USP6NL: variants seen among roughly 807,000 people sequenced by gnomAD.
USP6NL encodes USP6 N-terminal like.
USP6NL carries 26 observed loss-of-function variants against 61.9 expected under a neutral mutation model. The ratio of observed to expected loss-of-function variants is 0.42; its 90% confidence interval spans 0.31 to 0.58. The LOEUF is 0.58. Among genes scored for constraint, USP6NL ranks in the 20% least tolerant of loss-of-function variants. The pLI is 0.16. For missense variants in USP6NL, 1,114 were observed against 1,034.3 expected (o/e 1.08, Z -1.06); for synonymous variants, 432 against 390.1 (o/e 1.11, Z -1.27).
At chr10:11,472,659 C>CA (rs563616945) in intron 14 of USP6NL, among the ~76,000 whole-genome samples, 221 of 152,282 alleles carry the variant, frequency 1.5e-3, no homozygotes, top group African/African-American at 5.1e-3. Flanking sequence ...TCTGAAAAAT[C>CA]AAATGACTTT....
At chr10:11,541,690 G>A (rs1019252030) in intron 2 of USP6NL, among the ~76,000 whole-genome samples, 2 of 152,092 alleles carry the variant, frequency 1.3e-5, no homozygotes, top group Non-Finnish European at 2.9e-5. Context: ...CTCCCTAGAT[G>A]TGCACAGATC....
intron 2 of USP6NL, among the ~76,000 whole-genome samples, chr10:11,557,679 A>C (rs1254255612): frequency 6.6e-6 from 1 of 152,218 alleles, no homozygotes; most frequent in East Asian, 1.9e-4. Flanking sequence ...GAGCTGAGTA[A>C]GCAATGTTCA....
rs1262829694 is a variant in USP6NL at position 11,462,351 on chromosome 10, A to G, written c.*90T>C. The G allele has an allele frequency of 3.5e-6, 5 of 1,412,702 alleles. No homozygotes were observed. The highest frequency in any genetic ancestry group is 2.8e-6 in the Non-Finnish European group (3 of 1,055,134). 87.5% of individuals were successfully genotyped at this position (1,412,702 alleles called of 1,614,324 possible). On this transcript the variant is annotated 3_prime_UTR_variant, in exon 15 of 15. Coordinates refer to ENST00000609104, the MANE Select transcript of USP6NL (RefSeq NM_014688.5). ...AGGAGAGATGTGCGAGTTGTTTACA[A>G]TAGTATAAATACTGCTTTGGCAATT...
rs1365950726 is a variant in USP6NL at position 11,532,642 on chromosome 10, T to C, written c.5-5075A>G. Among the ~76,000 whole-genome samples, 2 of 152,200 alleles carry C rather than the reference T, an allele frequency of 1.3e-5. No individual in the cohort carries two copies. The highest frequency in any genetic ancestry group is 3.8e-4 in the East Asian group (2 of 5,200). On this transcript the variant is annotated intron_variant, in intron 2 of 14. Transcript: ENST00000609104. The surrounding 1 kb of genome is among the most constrained non-coding windows in gnomAD (Gnocchi z 4.1). Reference sequence around the variant, plus strand: ...CGATATTAGCCACTTTCTTATTTCTTATTAAAAATAAAACTTGTCACAGAG... The same window carrying C: ...CGATATTAGCCACTTTCTTATTTCTCATTAAAAATAAAACTTGTCACAGAG...
intron 2 of USP6NL, among the ~76,000 whole-genome samples, chr10:11,560,630 C>G (rs1320760726): frequency 6.7e-6 from 1 of 149,600 alleles, no homozygotes; most frequent in African/African-American, 2.5e-5. Flanking sequence ...ACTTCACTGA[C>G]TCAAGTAACT....
intron 14 of USP6NL, among the ~76,000 whole-genome samples, chr10:11,475,744 T>G (rs940074164): frequency 6.6e-6 from 1 of 151,912 alleles, no homozygotes; most frequent in Non-Finnish European, 1.5e-5. Context: ...ACTGGACATC[T>G]CCATACAGTG....
intron 2 of USP6NL, among the ~76,000 whole-genome samples, chr10:11,586,698 A>C (rs777406885): frequency 2.0e-5 from 3 of 152,216 alleles, no homozygotes; most frequent in Non-Finnish European, 4.4e-5. Flanking sequence ...TGTGGTTAAC[A>C]ACAAGAAAAG....
chr10:11,578,329 T>C (rs1167185720), intron 2 of USP6NL, among the ~76,000 whole-genome samples: 1 of 152,228 alleles, frequency 6.6e-6, no homozygotes, highest in Non-Finnish European at 1.5e-5. Context: ...CTAATCCATT[T>C]TTCTTGTTTT....
chr10:11,560,714 T>TTATATATA lies in USP6NL; in HGVS notation c.5-33155_5-33148dup, dbSNP rs56221814. Reference sequence around the variant, plus strand: ...CCAAACAGTAAAAAATATATATATATTATATATATATATATATATATTCAA... The same window carrying TTATATATA: ...CCAAACAGTAAAAAATATATATATATTATATATATATATATATATATATATATATTCAA... On this transcript the variant is annotated intron_variant, in intron 2 of 14. Transcript: ENST00000609104. Among the ~76,000 whole-genome samples, 1,107 of 141,272 alleles carry TTATATATA rather than the reference T, an allele frequency of 7.8e-3. 9 individuals are homozygous for TTATATATA. The highest frequency in any genetic ancestry group is 0.01 in the African/African-American group (394 of 38,508). 92.7% of individuals were successfully genotyped at this position (141,272 alleles called of 152,430 possible).
chr10:11,491,641 A>C lies in USP6NL; in HGVS notation c.495-761T>G, dbSNP rs796131632. ...ATTACTAAGGGGAACATGGGTTGCT[A>C]TGACACAACAGACACAAGGAGGAGT... On this transcript the variant is annotated intron_variant, in intron 8 of 14. Transcript: ENST00000609104. This position sits in a 1 kb window ranked among gnomAD's most constrained non-coding sequence, Gnocchi z 4.7. Among the ~76,000 whole-genome samples, 6 of 152,352 alleles carry C rather than the reference A, an allele frequency of 3.9e-5. No individual in the cohort carries two copies. The highest frequency in any genetic ancestry group is 1.4e-4 in the African/African-American group (6 of 41,572).
chr10:11,483,083 T>C (rs1336162102), intron 13 of USP6NL, among the ~76,000 whole-genome samples: 1 of 152,222 alleles, frequency 6.6e-6, no homozygotes, highest in East Asian at 1.9e-4. Flanking sequence ...CTCCAGAGCT[T>C]ACTCCTACTG....
intron 2 of USP6NL, among the ~76,000 whole-genome samples, chr10:11,582,046 C>A (rs780746176): frequency 1.3e-5 from 2 of 152,164 alleles, no homozygotes; most frequent in African/African-American, 2.4e-5. Context: ...CTCACTGCAA[C>A]CTCCACCTCC....
At chr10:11,576,281 A>G (rs1837542706) in intron 2 of USP6NL, among the ~76,000 whole-genome samples, 1 of 152,212 alleles carries the variant, frequency 6.6e-6, no homozygotes, top group Non-Finnish European at 1.5e-5. Context: ...TACCCAGAAG[A>G]GGCATGGTGG....
chr10:11,584,546 TC>T (rs1470358610), intron 2 of USP6NL, among the ~76,000 whole-genome samples: 1 of 152,060 alleles, frequency 6.6e-6, no homozygotes, highest in East Asian at 1.9e-4. Flanking sequence ...TCTCCACTCT[TC>T]CCCCCTTTCT....
chr10:11,493,264 T>C (rs761711657), intron 7 of USP6NL, 36 bp from the exon 8 acceptor site: 11 of 1,532,008 alleles, frequency 7.2e-6, no homozygotes, highest in African/African-American at 1.4e-5. Flanking sequence ...CAGATTTTTA[T>C]GGAAATTAGT....
rs1031975876 is a variant in USP6NL, at chr10:11,487,780, G to A, written c.664+1322C>T. On this transcript the variant is annotated intron_variant, in intron 10 of 14. Coordinates refer to ENST00000609104, the MANE Select transcript of USP6NL (RefSeq NM_014688.5). This position sits in a 1 kb window ranked among gnomAD's most constrained non-coding sequence, Gnocchi z 4.2. ...TTGGCAAGAAACACTAAGGGAGAAA[G>A]ACAAATGCAAACACATACATACCCC... 3.2e-4 allele frequency among the ~76,000 whole-genome samples: 49 copies of A among 152,118 alleles called. No homozygotes were observed. The highest frequency in any genetic ancestry group is 1.1e-3 in the African/African-American group (47 of 41,406).
rs1351871123 is a variant in USP6NL at position 11,511,799 on chromosome 10, CA to C, written c.196-2125del. Reference sequence around the variant, plus strand: ...TCATTAAGTATGCTTTTCCCTACAGCAAAAAATAAAATAAAATAATATATAT... The same window carrying C: ...TCATTAAGTATGCTTTTCCCTACAGCAAAAATAAAATAAAATAATATATAT... On this transcript the variant is annotated intron_variant, in intron 5 of 14. Transcript: ENST00000609104. The surrounding 1 kb of genome is among the most constrained non-coding windows in gnomAD (Gnocchi z 4.9). 6.7e-6 allele frequency among the ~76,000 whole-genome samples: 1 copy of C among 149,982 alleles called. No homozygotes were observed. Among genetic ancestry groups the C allele is most frequent in the Non-Finnish European group, 1.5e-5 (1 of 67,712 alleles).
In USP6NL at chr10:11,601,131, T is replaced by C. The variant is rs149313038; in HGVS notation, c.-83-3414A>G. Among the ~76,000 whole-genome samples, 480 of 152,282 alleles carry C rather than the reference T, an allele frequency of 3.2e-3. 4 individuals are homozygous for C. The East Asian group carries it at 0.037, about 12-fold the overall frequency. ...TTTCCATCAACAAAAGGGTAAGTAA[T>C]GATATCATGTTTATATAATCAAGTA... On this transcript the variant is annotated intron_variant, in intron 1 of 14. Transcript: ENST00000609104.
chr10:11,535,520 T>C (rs1397533458), intron 2 of USP6NL, among the ~76,000 whole-genome samples: 1 of 152,124 alleles, frequency 6.6e-6, no homozygotes, highest in African/African-American at 2.4e-5. Flanking sequence ...AAGTAGCTGG[T>C]ACAGAGAAGG....
Sources: allele counts gnomAD v4.1 joint callset (sites outside exome capture counted in the v4.1 genomes callset), GRCh38; gene constraint gnomAD v4.1.1; non-coding constraint Gnocchi (gnomAD v3.1); transcripts MANE v1.5; gene names NCBI Gene and HGNC (gene_info 2026-07-23, HGNC 2026-07-21).